Variants in IQCJ observed in about 807,000 individuals in gnomAD.
IQCJ encodes IQ motif containing J.
Under a neutral mutation model 11.0 loss-of-function variants are expected in IQCJ, and 9 were observed. The ratio of observed to expected loss-of-function variants is 0.82; its 90% confidence interval spans 0.49 to 1.43. The LOEUF is 1.43. Ranked by LOEUF, IQCJ falls within the 40% of genes most tolerant of loss-of-function variation. The pLI is 0.00. For synonymous variants in IQCJ, 55 were observed against 51.3 expected (o/e 1.07, Z -0.31); for missense variants, 146 against 133.2 (o/e 1.10, Z -0.47).
At chr3:159,142,370 A>C (rs1720653355) in intron 1 of IQCJ, among the ~76,000 whole-genome samples, 2 of 152,104 alleles carry the variant, frequency 1.3e-5, no homozygotes, top group Admixed American at 6.5e-5. Flanking sequence ...GTCCGTGAGA[A>C]GCTGCGTTGT....
intron 1 of IQCJ, among the ~76,000 whole-genome samples, chr3:159,161,177 A>G (rs1721832660): frequency 1.3e-5 from 2 of 152,256 alleles, no homozygotes; most frequent in South Asian, 2.1e-4. Flanking sequence ...ATTTCTCCAC[A>G]TCCTCTCCAG....
chr3:159,205,439 T>G (rs1724597822), intron 1 of IQCJ, among the ~76,000 whole-genome samples: 1 of 152,204 alleles, frequency 6.6e-6, no homozygotes, highest in South Asian at 2.1e-4. Context: ...TTCAGAGTTT[T>G]TATTGGGTTC....
chr3:159,130,317 A>T (rs772066168), intron 1 of IQCJ, among the ~76,000 whole-genome samples: 22 of 152,134 alleles, frequency 1.4e-4, no homozygotes, highest in Non-Finnish European at 2.9e-4. Flanking sequence ...GCAGTATGTG[A>T]TGGAATGCAA....
chr3:159,183,813 C>T (rs928272340), intron 1 of IQCJ, among the ~76,000 whole-genome samples: 8 of 152,194 alleles, frequency 5.3e-5, no homozygotes, highest in Middle Eastern at 6.8e-3. Context: ...CAGTAATCTT[C>T]GATTCACCAC....
intron 1 of IQCJ, among the ~76,000 whole-genome samples, chr3:159,165,917 C>G (rs375107289): frequency 2.0e-5 from 3 of 151,716 alleles, no homozygotes; most frequent in Admixed American, 6.6e-5. Flanking sequence ...CATGAGCCAC[C>G]GCGCCCGGCC....
Position 159,262,777 on chromosome 3 carries a change from GGTGGTTTGTGACA to G in IQCJ, c.*50_*62del, listed in dbSNP as rs775875030. On this transcript the variant is annotated 3_prime_UTR_variant, in exon 4 of 4. Coordinates refer to ENST00000397832, the MANE Select transcript of IQCJ (RefSeq NM_001042706.3). ...AGAGAGAAATCTTGGGATGTGAGCA[GGTGGTTTGTGACA>G]GTGAAGATCTATGTAGCTTATTTGC... 1 of 1,585,146 alleles carries G rather than the reference GGTGGTTTGTGACA, an allele frequency of 6.3e-7. No homozygotes were observed. The highest frequency in any genetic ancestry group is 8.6e-7 in the Non-Finnish European group (1 of 1,162,492).
At chr3:159,190,283 A>G (rs933625582) in intron 1 of IQCJ, among the ~76,000 whole-genome samples, 1 of 152,210 alleles carries the variant, frequency 6.6e-6, no homozygotes, top group East Asian at 1.9e-4. Flanking sequence ...CAAGAAAAAC[A>G]GCCATCTGTC....
chr3:159,159,275 G>A (rs774421941), intron 1 of IQCJ, among the ~76,000 whole-genome samples: 52 of 152,250 alleles, frequency 3.4e-4, no homozygotes, highest in Non-Finnish European at 6.9e-4. Flanking sequence ...TGATAAAGGA[G>A]AAGGTTGGGG....
At chr3:159,245,786 G>A in intron 1 of IQCJ, 57 bp from the exon 2 acceptor site, 3 of 1,400,510 alleles carry the variant, frequency 2.1e-6, no homozygotes, top group South Asian at 2.5e-5. Flanking sequence ...TGCTTGAATA[G>A]CATTGCTCGG....
At chr3:159,253,354 T>C (rs1727711075) in intron 3 of IQCJ, among the ~76,000 whole-genome samples, 1 of 152,200 alleles carries the variant, frequency 6.6e-6, no homozygotes, top group South Asian at 2.1e-4. Context: ...AAAATAGTGC[T>C]AACAACATCT....
intron 2 of IQCJ, among the ~76,000 whole-genome samples, chr3:159,252,067 C>G (rs1362321362): frequency 6.6e-6 from 1 of 152,004 alleles, no homozygotes; most frequent in Admixed American, 6.6e-5. Context: ...ATGTTTTCAC[C>G]TCTATTTGTT....
intron 1 of IQCJ, among the ~76,000 whole-genome samples, chr3:159,176,851 G>A (rs1188107592): frequency 6.6e-6 from 1 of 152,134 alleles, no homozygotes; most frequent in African/African-American, 2.4e-5. Context: ...TAGAGAAAAG[G>A]CAAACTTTAT....
At chr3:159,208,763 A>G (rs1321867810) in intron 1 of IQCJ, among the ~76,000 whole-genome samples, 1 of 152,240 alleles carries the variant, frequency 6.6e-6, no homozygotes, top group African/African-American at 2.4e-5. Context: ...TGGAAAAAGA[A>G]TCTTTGCAGA....
intron 1 of IQCJ, among the ~76,000 whole-genome samples, chr3:159,170,523 T>A (rs571122669): frequency 1.3e-5 from 2 of 152,346 alleles, no homozygotes; most frequent in South Asian, 4.1e-4. Context: ...AACAGGCCCT[T>A]AATGAACATT....
intron 1 of IQCJ, among the ~76,000 whole-genome samples, chr3:159,213,069 C>T (rs1265170833): frequency 2.0e-5 from 3 of 152,112 alleles, no homozygotes; most frequent in Admixed American, 1.3e-4. Flanking sequence ...CACTGCTGCT[C>T]CTCAGACCCA....
chr3:159,116,946 G>C (rs1719061597), intron 1 of IQCJ, among the ~76,000 whole-genome samples: 1 of 151,920 alleles, frequency 6.6e-6, no homozygotes, highest in Non-Finnish European at 1.5e-5. Flanking sequence ...TAGGAGACCT[G>C]GGGTGAATGG....
Position 159,198,609 on chromosome 3 carries a change from G to T in IQCJ, c.10-47234G>T, listed in dbSNP as rs192021008. On this transcript the variant is annotated intron_variant, in intron 1 of 3. Coordinates refer to ENST00000397832, the MANE Select transcript of IQCJ (RefSeq NM_001042706.3). ...ATCAGAGACCACATAGCTAGGAAGGGGATGAGTTAGACCACTTGCCTGTTA... is the reference window on the plus strand; with the variant it reads ...ATCAGAGACCACATAGCTAGGAAGGTGATGAGTTAGACCACTTGCCTGTTA... Among the ~76,000 whole-genome samples the T allele has an allele frequency of 6.8e-3, 1,029 of 152,304 alleles. 10 individuals carry two copies. The highest frequency in any genetic ancestry group is 0.011 in the Non-Finnish European group (770 of 68,030).
intron 1 of IQCJ, among the ~76,000 whole-genome samples, chr3:159,203,234 CT>C (rs1416061545): frequency 6.8e-6 from 1 of 146,742 alleles, no homozygotes; most frequent in African/African-American, 2.5e-5. Flanking sequence ...GAGTTGTTTA[CT>C]GAAGGGACTC....
At chr3:159,069,748 T>C (rs1255608888) in intron 1 of IQCJ, 1 of 553,952 alleles carries the variant, frequency 1.8e-6, no homozygotes, top group East Asian at 4.0e-5. Context: ...GATCTGTAAA[T>C]ATCTTACACA....
Sources: gnomAD v4.1 joint callset for allele counts (sites outside exome capture counted in the v4.1 genomes callset) on GRCh38, gnomAD v4.1.1 for gene constraint, MANE v1.5 for transcripts, NCBI Gene and HGNC (gene_info 2026-07-23, HGNC 2026-07-21) for gene names.